ATG10: variants seen among roughly 807,000 people sequenced by gnomAD.
ATG10 encodes the protein ubiquitin-like-conjugating enzyme ATG10.
A neutral mutation model predicts 32.1 loss-of-function variants in ATG10; 30 were observed. The ratio of observed to expected loss-of-function variants is 0.94; its 90% CI spans 0.70 to 1.27. ATG10 has a LOEUF of 1.27. Among genes scored for constraint, ATG10 ranks in the 50% most tolerant of loss-of-function variants. The pLI is 0.00. For synonymous variants in ATG10, 87 were observed against 91.5 expected, an observed-to-expected ratio of 0.95 and a Z score of 0.28; for missense variants, 233 against 262.3, an observed-to-expected ratio of 0.89 and a Z score of 0.77.
At chr5:82,226,664 A>T (rs1395273598) in intron 5 of ATG10, among the ~76,000 whole-genome samples, 2 of 152,192 alleles carry the variant, frequency 1.3e-5, no homozygotes, top group African/African-American at 4.8e-5. Context: ...TGTAACAGTG[A>T]TTCCTTAGTA....
chr5:82,088,822 G>T (rs756820530), intron 3 of ATG10, among the ~76,000 whole-genome samples: 7 of 152,152 alleles, frequency 4.6e-5, no homozygotes, highest in Non-Finnish European at 7.4e-5. Flanking sequence ...TAGAGGGCTA[G>T]GTCACTTAGG....
chr5:82,026,376 T>C (rs1279452877), intron 2 of ATG10, among the ~76,000 whole-genome samples: 2 of 152,250 alleles, frequency 1.3e-5, no homozygotes, highest in African/African-American at 4.8e-5. Flanking sequence ...TATCCATTCT[T>C]CTGTTAATGG....
At chr5:82,131,496 A>G (rs1047068591) in intron 3 of ATG10, among the ~76,000 whole-genome samples, 6 of 152,162 alleles carry the variant, frequency 3.9e-5, no homozygotes, top group Admixed American at 3.9e-4. Context: ...GGGGAGAGTT[A>G]TTCCTGGTCA....
chr5:82,215,810 C>T (rs912919397), intron 5 of ATG10, among the ~76,000 whole-genome samples: 3 of 151,862 alleles, frequency 2.0e-5, no homozygotes, highest in East Asian at 1.9e-4. Flanking sequence ...TGGTGGCAGG[C>T]GCCTATAATC....
At chr5:82,066,368 G>A (rs1428198088) in intron 3 of ATG10, among the ~76,000 whole-genome samples, 2 of 152,076 alleles carry the variant, frequency 1.3e-5, no homozygotes, top group East Asian at 3.9e-4. Flanking sequence ...TATCAGAGGT[G>A]GGTACCAAGC....
At chr5:82,052,183 T>G (rs1052902299) in intron 2 of ATG10, among the ~76,000 whole-genome samples, 2 of 152,158 alleles carry the variant, frequency 1.3e-5, no homozygotes, top group African/African-American at 2.4e-5. Flanking sequence ...GAAGTAGAGC[T>G]TAGACCCTTA....
chr5:82,137,962 G>T (rs1192677950), intron 3 of ATG10, among the ~76,000 whole-genome samples: 1 of 152,188 alleles, frequency 6.6e-6, no homozygotes, highest in Admixed American at 6.5e-5. Flanking sequence ...TGGCTAGAGT[G>T]TCTTTGCTGA....
chr5:82,058,518 C>T lies in ATG10; in HGVS notation c.132C>T (p.Cys44=). 6.2e-7 allele frequency: 1 copy of T among 1,612,984 alleles called. No homozygotes were observed. Among genetic ancestry groups the T allele is most frequent in the Non-Finnish European group, 8.5e-7 (1 of 1,179,232 alleles). The change falls in exon 3 of 8, where the codon TGC becomes TGT. Residue 44 remains cysteine, a synonymous_variant. Transcript: ENST00000282185. The part of the protein sequence containing the change: ...PSKDCSDGYM[C]KIHFQIKNGS... ...AGGACTGTTCTGATGGCTACATGTGCAAAATACACTTTCAAATTAAGAATG... is the reference window on the plus strand; with the variant it reads ...AGGACTGTTCTGATGGCTACATGTGTAAAATACACTTTCAAATTAAGAATG...
chr5:82,112,871 T>A (rs1765661201), intron 3 of ATG10, among the ~76,000 whole-genome samples: 1 of 151,878 alleles, frequency 6.6e-6, no homozygotes, highest in Non-Finnish European at 1.5e-5. Context: ...ATTGTGCAAG[T>A]GGTTAGTGAT....
At chr5:82,135,441 G>T (rs953694981) in intron 3 of ATG10, among the ~76,000 whole-genome samples, 3 of 152,220 alleles carry the variant, frequency 2.0e-5, no homozygotes, top group Non-Finnish European at 2.9e-5. Flanking sequence ...GTTCTCATTG[G>T]TTTCAAAGAA....
At chr5:82,147,225 G>A in intron 3 of ATG10, 2 of 233,666 alleles carry the variant, frequency 8.6e-6, no homozygotes, top group Non-Finnish European at 1.8e-5. Context: ...CTGGAGTGCA[G>A]TTGCGTGATC....
At chr5:82,239,350 C>T (rs1288515077) in intron 5 of ATG10, among the ~76,000 whole-genome samples, 3 of 152,108 alleles carry the variant, frequency 2.0e-5, no homozygotes, top group African/African-American at 7.2e-5. Flanking sequence ...TGAGTACCTA[C>T]TAGATGAAAG....
At chr5:81,999,442 A>G (rs1343706226) in intron 2 of ATG10, among the ~76,000 whole-genome samples, 2 of 152,168 alleles carry the variant, frequency 1.3e-5, no homozygotes, top group South Asian at 2.1e-4. Flanking sequence ...AAAGATCTCA[A>G]ATAAACAACC....
At chr5:82,070,924 A>G (rs1052378654) in intron 3 of ATG10, among the ~76,000 whole-genome samples, 1 of 152,136 alleles carries the variant, frequency 6.6e-6, no homozygotes, top group African/African-American at 2.4e-5. Flanking sequence ...TACAATCACC[A>G]CATCTAATGG....
Position 82,254,987 on chromosome 5 carries a change from A to G in ATG10, c.*924A>G, listed in dbSNP as rs1747413678. On this transcript the variant is annotated 3_prime_UTR_variant, in exon 8 of 8. Transcript: ENST00000282185. The stretch of plus-strand genomic sequence containing the variant: ...AAACACAATATTTTACTGTGAGATA[A>G]TATGTTTTACCAGCAAAGTGTGGCA... 1 of 151,922 alleles carries G rather than the reference A, an allele frequency of 6.6e-6. No individual in the cohort carries two copies. The highest frequency in any genetic ancestry group is 2.4e-5 in the African/African-American group (1 of 41,370). 9.4% of individuals were successfully genotyped at this position (151,922 alleles called of 1,614,324 possible).
At chr5:82,232,710 C>T (rs1746409568) in intron 5 of ATG10, among the ~76,000 whole-genome samples, 2 of 152,234 alleles carry the variant, frequency 1.3e-5, no homozygotes, top group Admixed American at 6.5e-5. Flanking sequence ...TCCTTCCTGC[C>T]TCTTTTGCTT....
At chr5:81,994,748 C>A (rs915111563) in intron 2 of ATG10, among the ~76,000 whole-genome samples, 1 of 152,124 alleles carries the variant, frequency 6.6e-6, no homozygotes, top group East Asian at 1.9e-4. Context: ...CTTACTCTAG[C>A]CTTCTTAGTT....
chr5:82,006,779 C>G (rs1044661033), intron 2 of ATG10, among the ~76,000 whole-genome samples: 2 of 152,180 alleles, frequency 1.3e-5, no homozygotes, highest in African/African-American at 4.8e-5. Flanking sequence ...CTGGCAACTC[C>G]CCTTCTACTT....
intron 5 of ATG10, among the ~76,000 whole-genome samples, chr5:82,246,071 CTTTTTTTTTT>C: frequency 8.0e-6 from 1 of 125,130 alleles, no homozygotes; most frequent in South Asian, 2.7e-4. Context: ...TAATACTGAC[CTTTTTTTTTT>C]TTTTTTTTGA....
Sources: gnomAD v4.1 joint callset for allele counts (sites outside exome capture counted in the v4.1 genomes callset) on GRCh38, gnomAD v4.1.1 for gene constraint, MANE v1.5 for transcripts, NCBI Gene and HGNC (gene_info 2026-07-23, HGNC 2026-07-21) for gene names.